The following DLGAP1 variants were observed in gnomAD, a reference collection of about 807,000 sequenced individuals.
DLGAP1 encodes disks large-associated protein 1.
DLGAP1 carries 11 observed loss-of-function variants against 90.8 expected under a neutral mutation model. That is an observed-to-expected ratio of 0.12 (90% confidence interval 0.08 to 0.20). DLGAP1 has a LOEUF of 0.20. Ranked by LOEUF, DLGAP1 falls within the 10% of genes least tolerant of loss-of-function variation. The probability of loss-of-function intolerance (pLI) is 1.00; values close to 1 mark genes in which losing one functional copy is unlikely to be tolerated. For synonymous variants in DLGAP1, 558 were observed against 540.7 expected, an observed-to-expected ratio of 1.03 and a Z score of -0.44; for missense variants, 1,050 against 1,333.8, an observed-to-expected ratio of 0.79 and a Z score of 3.31.
intron 7 of DLGAP1, among the ~76,000 whole-genome samples, chr18:3,637,784 T>C (rs893955082): frequency 1.3e-5 from 2 of 151,854 alleles, no homozygotes; most frequent in African/African-American, 4.8e-5. Flanking sequence ...TTAAATATTA[T>C]ATCAATATAA....
intron 4 of DLGAP1, among the ~76,000 whole-genome samples, chr18:3,828,169 C>G (rs2067825669): frequency 6.6e-6 from 1 of 152,132 alleles, no homozygotes; most frequent in Admixed American, 6.5e-5. Flanking sequence ...CCTGTGTAGC[C>G]AAGAGTCAGA....
At chr18:3,570,365 A>G (rs1599297835) in intron 8 of DLGAP1, among the ~76,000 whole-genome samples, 1 of 147,148 alleles carries the variant, frequency 6.8e-6, no homozygotes, top group Non-Finnish European at 1.5e-5. Flanking sequence ...TGCAACCTCC[A>G]CCTCCCGGGT....
intron 3 of DLGAP1, among the ~76,000 whole-genome samples, chr18:3,937,521 C>T (rs745920478): frequency 3.9e-5 from 6 of 152,118 alleles, no homozygotes; most frequent in Admixed American, 3.3e-4. Flanking sequence ...ACAGGGGAAT[C>T]ATTACAATTC....
intron 1 of DLGAP1, among the ~76,000 whole-genome samples, chr18:4,387,749 G>T (rs1184979803): frequency 1.3e-5 from 2 of 152,160 alleles, no homozygotes; most frequent in African/African-American, 4.8e-5. Flanking sequence ...TGGCCAGCAT[G>T]GCGAAACCCC....
chr18:4,185,504 C>A (rs1030586670), intron 1 of DLGAP1, among the ~76,000 whole-genome samples: 3 of 152,092 alleles, frequency 2.0e-5, no homozygotes, highest in African/African-American at 7.2e-5. Context: ...TAAGTGAGAA[C>A]ATGAGGTATT....
chr18:4,149,605 G>C (rs1368826356), intron 2 of DLGAP1, among the ~76,000 whole-genome samples: 1 of 152,198 alleles, frequency 6.6e-6, no homozygotes, highest in Non-Finnish European at 1.5e-5. Context: ...AGCAGGAAGT[G>C]AGCAGTGGGC....
chr18:4,134,153 G>A (rs543245001), intron 2 of DLGAP1, among the ~76,000 whole-genome samples: 101 of 152,162 alleles, frequency 6.6e-4, no homozygotes, highest in South Asian at 1.7e-3. Context: ...AAATTTCCTA[G>A]TCTGAATCCT....
chr18:4,423,257 G>A (rs2083081377), intron 1 of DLGAP1, among the ~76,000 whole-genome samples: 5 of 152,106 alleles, frequency 3.3e-5, no homozygotes, highest in South Asian at 2.1e-4. Flanking sequence ...GTTTTATGGA[G>A]AATTTTATGT....
chr18:3,620,263 G>C (rs2058046830), intron 7 of DLGAP1, among the ~76,000 whole-genome samples: 1 of 152,082 alleles, frequency 6.6e-6, no homozygotes, highest in African/African-American at 2.4e-5. Flanking sequence ...CAGAGGGGTT[G>C]AAGATGCACC....
intron 1 of DLGAP1, among the ~76,000 whole-genome samples, chr18:4,191,480 C>A (rs145054959): frequency 6.6e-6 from 1 of 152,132 alleles, no homozygotes; most frequent in Non-Finnish European, 1.5e-5. Flanking sequence ...AATACATTAT[C>A]CAAGCTGTGA....
intron 1 of DLGAP1, among the ~76,000 whole-genome samples, chr18:4,203,676 TC>T (rs2077656803): frequency 6.6e-6 from 1 of 152,156 alleles, no homozygotes; most frequent in Non-Finnish European, 1.5e-5. Context: ...CTGAAACATT[TC>T]CTGAGGGCCT....
At chr18:4,094,746 C>T (rs546143599) in intron 2 of DLGAP1, among the ~76,000 whole-genome samples, 294 of 151,730 alleles carry the variant, frequency 1.9e-3, no homozygotes, top group African/African-American at 6.8e-3. Context: ...TACAGGCATG[C>T]GCCACCATGC....
chr18:3,961,446 C>T (rs1251995812), intron 3 of DLGAP1, among the ~76,000 whole-genome samples: 1 of 152,192 alleles, frequency 6.6e-6, no homozygotes, highest in East Asian at 1.9e-4. Flanking sequence ...TGAGAGCAGG[C>T]CAGTCCCTGA....
At chr18:3,555,863 G>A (rs929867697) in intron 9 of DLGAP1, among the ~76,000 whole-genome samples, 7 of 151,936 alleles carry the variant, frequency 4.6e-5, no homozygotes, top group Non-Finnish European at 8.8e-5. Context: ...AAGATAGACT[G>A]GCTGATTGCA....
intron 2 of DLGAP1, among the ~76,000 whole-genome samples, chr18:4,115,749 C>G (rs2076053727): frequency 6.6e-6 from 1 of 152,198 alleles, no homozygotes; most frequent in Admixed American, 6.5e-5. Flanking sequence ...CAGGCGTAAG[C>G]CACCGCGCCC....
At chr18:4,435,140 T>C (rs1367578516) in intron 1 of DLGAP1, among the ~76,000 whole-genome samples, 2 of 152,122 alleles carry the variant, frequency 1.3e-5, no homozygotes, top group Non-Finnish European at 2.9e-5. Flanking sequence ...AGGATAAAAT[T>C]GAACATGGAA....
chr18:3,709,342 A>C (rs1056893206), intron 7 of DLGAP1, among the ~76,000 whole-genome samples: 2 of 152,210 alleles, frequency 1.3e-5, no homozygotes, highest in African/African-American at 4.8e-5. Flanking sequence ...TGAAGAATGT[A>C]TTTTAAGAAT....
chr18:3,949,882 CT>C (rs2072950430), intron 3 of DLGAP1, among the ~76,000 whole-genome samples: 1 of 152,106 alleles, frequency 6.6e-6, no homozygotes, highest in South Asian at 2.1e-4. Flanking sequence ...CTGTCTACAC[CT>C]TTTTTAGTCC....
intron 3 of DLGAP1, among the ~76,000 whole-genome samples, chr18:3,932,748 G>C (rs2072547415): frequency 6.6e-6 from 1 of 152,164 alleles, no homozygotes; most frequent in Non-Finnish European, 1.5e-5. Flanking sequence ...TGACCACTTG[G>C]TGCTAGGCAC....
Sources: gnomAD v4.1 joint callset for allele counts (sites outside exome capture counted in the v4.1 genomes callset) on GRCh38, gnomAD v4.1.1 for gene constraint, MANE v1.5 for transcripts, NCBI Gene and HGNC (gene_info 2026-07-23, HGNC 2026-07-21) for gene names.